Variants in PKHD1 observed in about 807,000 individuals in gnomAD.
PKHD1 encodes the protein PKHD1 ciliary IPT domain containing fibrocystin/polyductin.
In PKHD1, 291 loss-of-function variants were observed where a neutral mutation model predicts 412.0. The ratio of observed to expected loss-of-function variants is 0.71; its 90% confidence interval spans 0.64 to 0.78. PKHD1 has a LOEUF of 0.78. Ranked by LOEUF, PKHD1 falls within the 30% of genes least tolerant of loss-of-function variation. The probability of loss-of-function intolerance (pLI) is 0.00; values close to 1 mark genes in which losing one functional copy is unlikely to be tolerated. For synonymous variants in PKHD1, 1,777 were observed against 1,821.5 expected, an observed-to-expected ratio of 0.98 and a Z score of 0.62; for missense variants, 4,825 against 4,950.7, an observed-to-expected ratio of 0.97 and a Z score of 0.76.
In PKHD1 at chr6:51,619,528, G is replaced by A. The variant is rs982301499; in HGVS notation, c.11786-8C>T. The stretch of plus-strand genomic sequence containing the variant: ...TGACCTTCATTCTCATATCTGGGGG[G>A]AAAAGAAATAGGGGAAGAAATGGAT... On this transcript the variant is annotated splice_polypyrimidine_tract_variant and splice_region_variant and intron_variant, in intron 66 of 66. Coordinates refer to ENST00000371117, the MANE Select transcript of PKHD1 (RefSeq NM_138694.4). The A allele has an allele frequency of 3.7e-6, 6 of 1,610,170 alleles. No individual in the cohort carries two copies. Among genetic ancestry groups the A allele is most frequent in the Non-Finnish European group, 5.1e-6 (6 of 1,176,462 alleles).
chr6:51,632,785 T>G, intron 64 of PKHD1, 62 bp from the exon 65 acceptor site: 1 of 1,356,064 alleles, frequency 7.4e-7, no homozygotes, highest in Non-Finnish European at 1.0e-6. Context: ...ATAATTAAAA[T>G]ATGGTAAAAA....
rs201746623 is a variant in PKHD1, at chr6:51,887,390, C to CT, written c.6997-146dup. ...AAACTCTATTATAGACTCATTTATT[C>CT]TTTTTTTTTCCTTTTGGGAACAAAA... is the stretch of plus-strand genomic sequence containing the variant. On this transcript the variant is annotated intron_variant, in intron 43 of 66. Coordinates refer to ENST00000371117, the MANE Select transcript of PKHD1 (RefSeq NM_138694.4). 6.4e-4 allele frequency: 431 copies of CT among 673,474 alleles called. 1 individual carries two copies. The highest frequency in any genetic ancestry group is 2.8e-3 in the African/African-American group (157 of 55,280). The allele number at this position is 673,474 out of a possible 1,614,324, so 41.7% of individuals were successfully genotyped here.
intron 59 of PKHD1, among the ~76,000 whole-genome samples, chr6:51,746,095 T>C (rs1785160986): frequency 6.6e-6 from 1 of 152,168 alleles, no homozygotes; most frequent in South Asian, 2.1e-4. Flanking sequence ...CTCTCTTTCA[T>C]GGCATAAAAA....
At chr6:51,642,159 G>A (rs1391685851) in intron 63 of PKHD1, among the ~76,000 whole-genome samples, 1 of 152,054 alleles carries the variant, frequency 6.6e-6, no homozygotes, top group Admixed American at 6.6e-5. Flanking sequence ...TAAGGTTACT[G>A]AAAGAAAAAT....
intron 23 of PKHD1, 127 bp from the exon 24 acceptor site, chr6:52,046,315 A>C (rs527714628): frequency 3.3e-5 from 27 of 807,432 alleles, no homozygotes; most frequent in Non-Finnish European, 5.9e-5. Context: ...CCTTCTGTCA[A>C]AGTAGAACTT....
chr6:51,937,813 C>T (rs1455756117), intron 36 of PKHD1, among the ~76,000 whole-genome samples: 1 of 152,162 alleles, frequency 6.6e-6, no homozygotes, highest in Non-Finnish European at 1.5e-5. Flanking sequence ...TGGAGTCTGA[C>T]ACCTATTCAA....
chr6:51,646,917 A>C (rs1352936208), intron 63 of PKHD1, among the ~76,000 whole-genome samples: 8 of 152,090 alleles, frequency 5.3e-5, no homozygotes, highest in Non-Finnish European at 1.0e-4. Context: ...TAAACATGCG[A>C]GTCAGACCTT....
In PKHD1 at chr6:52,023,414, A is replaced by G. The variant is rs146232090; in HGVS notation, c.5237-470T>C. ...TTGCTTTTTTGCTTCAAAGTATAGC[A>G]TAGATGTTTTTTCAAAACTCTATGG... is the stretch of plus-strand genomic sequence containing the variant. On this transcript the variant is annotated intron_variant, in intron 32 of 66. Transcript: ENST00000371117. Among the ~76,000 whole-genome samples the G allele has an allele frequency of 3.7e-3, 559 of 152,312 alleles. 4 individuals are homozygous for G. Among genetic ancestry groups the G allele is most frequent in the African/African-American group, 0.012 (518 of 41,560 alleles).
intron 37 of PKHD1, among the ~76,000 whole-genome samples, chr6:51,915,956 A>G (rs1783742021): frequency 6.6e-6 from 1 of 152,060 alleles, no homozygotes; most frequent in Non-Finnish European, 1.5e-5. Context: ...TTTTATCACT[A>G]TTGAAATATC....
intron 60 of PKHD1, among the ~76,000 whole-genome samples, chr6:51,728,621 T>TCTCCAGAAA (rs1393988873): frequency 6.6e-6 from 1 of 152,148 alleles, no homozygotes; most frequent in Non-Finnish European, 1.5e-5. Context: ...GGTGAAATCA[T>TCTCCAGAAA]CTCCAGAAAC....
intron 60 of PKHD1, among the ~76,000 whole-genome samples, chr6:51,741,943 A>C (rs1288035876): frequency 6.6e-6 from 1 of 152,246 alleles, no homozygotes; most frequent in Non-Finnish European, 1.5e-5. Flanking sequence ...GCTCAAGTCC[A>C]GAAAAGTCCC....
Position 51,959,982 on chromosome 6 carries a change from G to A in PKHD1, c.5796C>T (p.His1932=). The A allele has an allele frequency of 6.2e-7, 1 of 1,613,508 alleles. No individual in the cohort carries two copies. Among genetic ancestry groups the A allele is most frequent in the Non-Finnish European group, 8.5e-7 (1 of 1,179,606 alleles). The change falls in exon 36 of 67, where the codon CAC becomes CAT. Residue 1932 remains histidine, a synonymous_variant. Transcript: ENST00000371117. ...LQFCRRWSRT[H]SWFPERLPQD... ...GTGGCAGCCTTTCAGGAAACCAGCT[G>A]TGAGTCCTGGACCATCTCCGGCAGA...
At chr6:52,048,725 A>C (rs1156971510) in intron 22 of PKHD1, 106 bp from the exon 23 acceptor site, 1 of 1,359,892 alleles carries the variant, frequency 7.4e-7, no homozygotes, top group African/African-American at 1.4e-5. Flanking sequence ...GCCTTCCAGA[A>C]AGAGCTAAGG....
chr6:51,908,290 C>T (rs1176502669), intron 40 of PKHD1, among the ~76,000 whole-genome samples: 1 of 152,066 alleles, frequency 6.6e-6, no homozygotes, highest in East Asian at 1.9e-4. Flanking sequence ...AGAATCCTGC[C>T]CTCAATGACC....
chr6:51,908,109 G>A (rs1453236076), intron 40 of PKHD1, among the ~76,000 whole-genome samples: 1 of 152,074 alleles, frequency 6.6e-6, no homozygotes, highest in Non-Finnish European at 1.5e-5. Flanking sequence ...GAACCAGAGA[G>A]AAGGAAATAA....
chr6:51,944,902 G>T (rs1001207953), intron 36 of PKHD1, among the ~76,000 whole-genome samples: 1 of 152,094 alleles, frequency 6.6e-6, no homozygotes, highest in African/African-American at 2.4e-5. Context: ...CTCTGTTACT[G>T]GTCCTTTTGA....
intron 60 of PKHD1, among the ~76,000 whole-genome samples, chr6:51,682,400 C>T (rs1253645800): frequency 6.6e-6 from 1 of 152,004 alleles, no homozygotes; most frequent in Admixed American, 6.6e-5. Context: ...TCAAATTTGC[C>T]TTCTTTTCCA....
At chr6:51,959,423 G>A (rs564160973) in intron 36 of PKHD1, among the ~76,000 whole-genome samples, 1 of 152,064 alleles carries the variant, frequency 6.6e-6, no homozygotes. Context: ...CAATAAGAAA[G>A]CCTATTTATA....
intron 43 of PKHD1, among the ~76,000 whole-genome samples, chr6:51,892,098 T>C (rs1007792154): frequency 6.6e-6 from 1 of 152,238 alleles, no homozygotes; most frequent in Non-Finnish European, 1.5e-5. Context: ...GGTTACAGGA[T>C]GTTTTGTTCC....
Sources: gnomAD v4.1 joint callset for allele counts (sites outside exome capture counted in the v4.1 genomes callset) on GRCh38, gnomAD v4.1.1 for gene constraint, MANE v1.5 for transcripts, NCBI Gene and HGNC (gene_info 2026-07-23, HGNC 2026-07-21) for gene names.